ZNF569: variants seen among roughly 807,000 people sequenced by gnomAD.
ZNF569 encodes DNA-binding protein.
ZNF569 carries 38 observed loss-of-function variants against 56.3 expected under a neutral mutation model. The ratio of observed to expected loss-of-function variants is 0.68; its 90% CI spans 0.52 to 0.88. The LOEUF (loss-of-function observed/expected upper bound fraction) is 0.88, where lower values mean the gene tolerates loss of function less well. Ranked by LOEUF, ZNF569 falls within the 40% of genes least tolerant of loss-of-function variation. The pLI is 0.00. For missense variants in ZNF569, 666 were observed against 809.2 expected, an observed-to-expected ratio of 0.82 and a Z score of 2.15; for synonymous variants, 241 against 262.9, an observed-to-expected ratio of 0.92 and a Z score of 0.81.
At chr19:37,464,378 A>C (rs1398569010) in intron 2 of ZNF569, among the ~76,000 whole-genome samples, 1 of 152,086 alleles carries the variant, frequency 6.6e-6, no homozygotes, top group African/African-American at 2.4e-5. Context: ...TTTAGTAGAG[A>C]TGGGGTTTCA....
chr19:37,420,688 C>A (rs2041020599), intron 5 of ZNF569, among the ~76,000 whole-genome samples: 1 of 152,184 alleles, frequency 6.6e-6, no homozygotes, highest in African/African-American at 2.4e-5. Flanking sequence ...TCAAAGTCAT[C>A]CATGAGTGTC....
At chr19:37,445,370 A>T (rs189755549) in intron 2 of ZNF569, among the ~76,000 whole-genome samples, 10 of 152,218 alleles carry the variant, frequency 6.6e-5, no homozygotes, top group Non-Finnish European at 1.0e-4. Flanking sequence ...AGGAACAAAT[A>T]AAAAGTTTTT....
intron 5 of ZNF569, among the ~76,000 whole-genome samples, chr19:37,421,756 T>C (rs1231748679): frequency 6.8e-6 from 1 of 146,310 alleles, no homozygotes; most frequent in East Asian, 2.0e-4. Context: ...TTTTTTTTTT[T>C]TTTTTTTTTT....
At chr19:37,453,188 G>A (rs2146960402) in intron 2 of ZNF569, among the ~76,000 whole-genome samples, 1 of 152,194 alleles carries the variant, frequency 6.6e-6, no homozygotes, top group East Asian at 1.9e-4. Flanking sequence ...CTCTCCCCTG[G>A]ATGAGTTAGG....
intron 2 of ZNF569, among the ~76,000 whole-genome samples, chr19:37,464,202 A>T (rs997842414): frequency 1.3e-4 from 19 of 151,942 alleles, no homozygotes; most frequent in Admixed American, 1.2e-3. Flanking sequence ...TTATTTATTT[A>T]TTTTTGAGAC....
At chr19:37,459,528 G>C (rs1024328157) in intron 2 of ZNF569, among the ~76,000 whole-genome samples, 1 of 152,018 alleles carries the variant, frequency 6.6e-6, no homozygotes, top group Non-Finnish European at 1.5e-5. Flanking sequence ...CAAAAACTAA[G>C]GGAATTCATC....
chr19:37,458,481 C>T (rs1017735532), intron 2 of ZNF569, among the ~76,000 whole-genome samples: 20 of 152,264 alleles, frequency 1.3e-4, no homozygotes, highest in African/African-American at 4.6e-4. Context: ...TGCCTTTGAC[C>T]AATACCTTCT....
intron 1 of ZNF569, among the ~76,000 whole-genome samples, chr19:37,466,450 A>C (rs1421278278): frequency 6.6e-6 from 1 of 152,006 alleles, no homozygotes; most frequent in Non-Finnish European, 1.5e-5. Flanking sequence ...ACCCACATGG[A>C]GAAACCCCGT....
intron 5 of ZNF569, among the ~76,000 whole-genome samples, chr19:37,422,007 G>A (rs1011559338): frequency 1.1e-4 from 16 of 152,026 alleles, no homozygotes; most frequent in South Asian, 2.1e-4. Flanking sequence ...GCCTCAGCCT[G>A]CCAAAGTGTT....
rs767978488 is a variant in ZNF569, at chr19:37,413,835, A to G, written c.823T>C (p.Cys275Arg). The change falls in exon 6 of 6, where the codon TGT becomes CGT. Residue 275 changes from cysteine (C) to arginine (R), a missense_variant. Physicochemically the swap from Cys to Arg is radical, Grantham distance 180. Coordinates refer to ENST00000316950, the MANE Select transcript of ZNF569 (RefSeq NM_152484.3). ...GATTTCTGGCTGAAGGACTTCTCACATTCCTTACATGCATAGGGCTTCTCT... is the reference window on the plus strand; with the variant it reads ...GATTTCTGGCTGAAGGACTTCTCACGTTCCTTACATGCATAGGGCTTCTCT... ...TGEKPYACKE[C>R]EKSFSQKSNL... 1 of 1,613,660 alleles carries G rather than the reference A, an allele frequency of 6.2e-7. No individual in the cohort carries two copies. The highest frequency in any genetic ancestry group is 1.1e-5 in the South Asian group (1 of 91,086).
chr19:37,422,309 G>A (rs2041051934), intron 5 of ZNF569, among the ~76,000 whole-genome samples: 1 of 152,164 alleles, frequency 6.6e-6, no homozygotes, highest in South Asian at 2.1e-4. Context: ...AAGGGAGAGA[G>A]ACGGGAATGG....
At chr19:37,439,914 T>C (rs1359586394) in intron 3 of ZNF569, among the ~76,000 whole-genome samples, 1 of 152,118 alleles carries the variant, frequency 6.6e-6, no homozygotes, top group Non-Finnish European at 1.5e-5. Flanking sequence ...CTAGGAAGGA[T>C]AGTGGGTGGG....
chr19:37,443,714 T>C (rs2041446406), intron 3 of ZNF569, among the ~76,000 whole-genome samples: 2 of 151,908 alleles, frequency 1.3e-5, no homozygotes, highest in African/African-American at 4.8e-5. Flanking sequence ...TTTTCTCTCT[T>C]TAAATTTACG....
At chr19:37,435,375 C>A (rs1196520437) in intron 3 of ZNF569, among the ~76,000 whole-genome samples, 1 of 150,888 alleles carries the variant, frequency 6.6e-6, no homozygotes, top group Non-Finnish European at 1.5e-5. Flanking sequence ...GAGACAACCA[C>A]CTTCCCAAAA....
chr19:37,413,927 C>T lies in ZNF569; in HGVS notation c.731G>A (p.Cys244Tyr), dbSNP rs1011622461. 6.2e-7 allele frequency: 1 copy of T among 1,613,436 alleles called. No homozygotes were observed. The highest frequency in any genetic ancestry group is 8.5e-7 in the Non-Finnish European group (1 of 1,179,884). The change falls in exon 6 of 6, where the codon TGT becomes TAT. Residue 244 changes from cysteine to tyrosine, a missense_variant. Physicochemically the swap from Cys to Tyr is radical, Grantham distance 194. Coordinates refer to ENST00000316950, the MANE Select transcript of ZNF569 (RefSeq NM_152484.3). ...KIHSREQSYK[C>Y]NECGKAFIKM... ...AATGAAAGCTTTACCACATTCATTA[C>T]ATTTGTAAGACTGCTCCCTACTGTG...
intron 2 of ZNF569, among the ~76,000 whole-genome samples, chr19:37,463,593 A>G (rs61236240): frequency 0.015 from 2,278 of 152,346 alleles, 64 homozygotes; most frequent in African/African-American, 0.052. Flanking sequence ...ACTATACTAT[A>G]CTTTTTATTG....
chr19:37,426,405 T>C, intron 3 of ZNF569, 27 bp from the exon 4 acceptor site: 1 of 1,567,904 alleles, frequency 6.4e-7, no homozygotes, highest in Non-Finnish European at 8.6e-7. Flanking sequence ...CCACTCAATC[T>C]GAAGTCATCC....
intron 5 of ZNF569, among the ~76,000 whole-genome samples, chr19:37,420,792 A>G (rs892342194): frequency 6.6e-6 from 1 of 152,222 alleles, no homozygotes; most frequent in Non-Finnish European, 1.5e-5. Flanking sequence ...AATCCTTTCC[A>G]GCCAGTTTTT....
chr19:37,457,566 T>A (rs1302326167), intron 2 of ZNF569, among the ~76,000 whole-genome samples: 2 of 152,078 alleles, frequency 1.3e-5, no homozygotes, highest in African/African-American at 4.8e-5. Context: ...AAACCATCAT[T>A]CTGAGCAAAC....
Sources: allele counts gnomAD v4.1 joint callset (sites outside exome capture counted in the v4.1 genomes callset), GRCh38; gene constraint gnomAD v4.1.1; transcripts MANE v1.5; gene names NCBI Gene and HGNC (gene_info 2026-07-23, HGNC 2026-07-21).